Variants in PHLDB2 observed in about 807,000 individuals in gnomAD.
The protein encoded by PHLDB2 is pleckstrin homology like domain family B member 2, also known as pleckstrin homology-like domain family B member 2.
PHLDB2 carries 71 observed loss-of-function variants against 123.6 expected under a neutral mutation model. That is an observed-to-expected ratio of 0.57 (90% confidence interval 0.47 to 0.70). The LOEUF (loss-of-function observed/expected upper bound fraction) is 0.70. PHLDB2 is among the 30% of genes least tolerant of loss of function. PHLDB2 has a pLI of 0.00. For synonymous variants in PHLDB2, 547 were observed against 541.6 expected (o/e 1.01, Z -0.14); for missense variants, 1,446 against 1,519.5 (o/e 0.95, Z 0.80).
chr3:111,758,192 G>A (rs2059930719), intron 1 of PHLDB2, among the ~76,000 whole-genome samples: 1 of 152,054 alleles, frequency 6.6e-6, no homozygotes, highest in Admixed American at 6.5e-5. Flanking sequence ...GTTTGTCTGT[G>A]CCCTGCCCCT....
At chr3:111,918,734 T>C (rs2068320739) in intron 3 of PHLDB2, among the ~76,000 whole-genome samples, 1 of 152,236 alleles carries the variant, frequency 6.6e-6, no homozygotes, top group Non-Finnish European at 1.5e-5. Flanking sequence ...TTCTCTGTTA[T>C]GCTGAACTTT....
chr3:111,975,145 A>G lies in PHLDB2; in HGVS notation c.*582A>G, dbSNP rs2072450846. 1 of 152,648 alleles carries G rather than the reference A, an allele frequency of 6.6e-6. No homozygotes were observed. Among genetic ancestry groups the G allele is most frequent in the Non-Finnish European group, 1.5e-5 (1 of 68,044 alleles). 9.5% of individuals were successfully genotyped at this position (152,648 alleles called of 1,614,324 possible). A position where few individuals can be genotyped will look rare whatever the true frequency, so the allele number is the denominator to read the frequency against. ...GTAGTAACTGCAAGTGATGAACTGC[A>G]TTTCGTATTGTTCTGTATATTTCAA... is the stretch of plus-strand genomic sequence containing the variant. On this transcript the variant is annotated 3_prime_UTR_variant, in exon 18 of 18. Transcript: ENST00000431670.
At chr3:111,966,493 T>G (rs1336831181) in intron 13 of PHLDB2, 120 bp from the exon 14 acceptor site, 5 of 526,236 alleles carry the variant, frequency 9.5e-6, no homozygotes, top group East Asian at 3.3e-5. Flanking sequence ...TGCACCTCCC[T>G]TGACCCCATG....
intron 1 of PHLDB2, among the ~76,000 whole-genome samples, chr3:111,757,410 G>A (rs2059912828): frequency 6.6e-6 from 1 of 151,792 alleles, no homozygotes; most frequent in Non-Finnish European, 1.5e-5. Flanking sequence ...CATGAATGGA[G>A]CTTTCAGCTC....
At chr3:111,780,953 T>C (rs889262295) in intron 1 of PHLDB2, among the ~76,000 whole-genome samples, 2 of 152,102 alleles carry the variant, frequency 1.3e-5, no homozygotes, top group African/African-American at 2.4e-5. Context: ...AAATCAAGCA[T>C]AGAGCTATAC....
rs541447620 is a variant in PHLDB2 at position 111,797,477 on chromosome 3, A to G, written c.-48-48344A>G. Among the ~76,000 whole-genome samples, 9 of 152,294 alleles carry G rather than the reference A, an allele frequency of 5.9e-5. 1 individual carries two copies. The East Asian group carries it at 1.7e-3, about 29-fold the overall frequency. On this transcript the variant is annotated intron_variant, in intron 1 of 17. Transcript: ENST00000393923. ...CATTGCCACAGAATTTTTCCTTCAT[A>G]TTCTTGTTGACTGCCTTACTTGAAA...
intron 1 of PHLDB2, among the ~76,000 whole-genome samples, chr3:111,735,275 C>G (rs1203538704): frequency 6.6e-6 from 1 of 152,218 alleles, no homozygotes; most frequent in African/African-American, 2.4e-5. Context: ...CTCTCACCAT[C>G]TGCAACCCAA....
intron 2 of PHLDB2, among the ~76,000 whole-genome samples, chr3:111,846,791 T>C (rs746865451): frequency 7.9e-5 from 12 of 152,148 alleles, no homozygotes; most frequent in Non-Finnish European, 1.8e-4. Context: ...TCAGTTGCTC[T>C]ATTGTGGGGG....
In PHLDB2 at chr3:111,760,690, G is replaced by GT. The variant is rs200436835; in HGVS notation, c.-49+27997dup. ...GCGATGTGTATACAGTTTTTTGTTTGTTTTTTTTTTCCTGAGAGCCACGTG... is the reference window on the plus strand; with the variant it reads ...GCGATGTGTATACAGTTTTTTGTTTGTTTTTTTTTTTCCTGAGAGCCACGTG... On this transcript the variant is annotated intron_variant, in intron 1 of 17. Coordinates refer to the PHLDB2 transcript ENST00000393923. Among the ~76,000 whole-genome samples, 1,164 of 148,410 alleles carry GT rather than the reference G, an allele frequency of 7.8e-3. 14 individuals carry two copies. Among genetic ancestry groups the GT allele is most frequent in the African/African-American group, 0.024 (986 of 40,660 alleles).
chr3:111,850,553 C>A (rs944014966), intron 2 of PHLDB2, among the ~76,000 whole-genome samples: 2 of 151,922 alleles, frequency 1.3e-5, no homozygotes, highest in Admixed American at 1.3e-4. Flanking sequence ...ATCACTTGAC[C>A]CCAGGAGCTC....
At chr3:111,940,865 T>C (rs558920158) in intron 8 of PHLDB2, among the ~76,000 whole-genome samples, 1 of 152,382 alleles carries the variant, frequency 6.6e-6, no homozygotes, top group Admixed American at 6.5e-5. Flanking sequence ...TTCATGCTTT[T>C]TTCACATTGT....
chr3:111,839,601 A>AT (rs2063576489), intron 1 of PHLDB2, among the ~76,000 whole-genome samples: 1 of 152,222 alleles, frequency 6.6e-6, no homozygotes, highest in Non-Finnish European at 1.5e-5. Flanking sequence ...TGGGTAAACT[A>AT]TATCAACTGT....
intron 1 of PHLDB2, among the ~76,000 whole-genome samples, chr3:111,773,303 T>G (rs1215945996): frequency 1.3e-5 from 2 of 152,138 alleles, no homozygotes; most frequent in African/African-American, 4.8e-5. Context: ...TTTAACCATT[T>G]CCCAGGTGCC....
chr3:111,859,062 C>T (rs1287078480), upstream of PHLDB2: 6 of 472,486 alleles, frequency 1.3e-5, no homozygotes, highest in Non-Finnish European at 1.7e-5. Flanking sequence ...GTCCTTAGCT[C>T]AGGCCGTTCT....
At chr3:111,757,184 G>C (rs555102838) in intron 1 of PHLDB2, among the ~76,000 whole-genome samples, 14 of 152,166 alleles carry the variant, frequency 9.2e-5, no homozygotes, top group African/African-American at 3.4e-4. Flanking sequence ...TCCTTAATCT[G>C]AATGTTGGCC....
chr3:111,735,203 A>G (rs16858490), intron 1 of PHLDB2, among the ~76,000 whole-genome samples: 9 of 152,178 alleles, frequency 5.9e-5, no homozygotes, highest in Admixed American at 1.3e-4. Context: ...TTTAAATCTA[A>G]GAGACTTGGG....
At chr3:111,758,054 C>G (rs1457789297) in intron 1 of PHLDB2, among the ~76,000 whole-genome samples, 1 of 152,160 alleles carries the variant, frequency 6.6e-6, no homozygotes, top group Non-Finnish European at 1.5e-5. Context: ...GGTCAGGGGC[C>G]AGGGACCCAC....
chr3:111,818,165 GGT>G (rs5851789), intron 1 of PHLDB2, among the ~76,000 whole-genome samples: 7,393 of 147,644 alleles, frequency 0.05, 239 homozygotes, highest in African/African-American at 0.087. Context: ...TTAAAAAACT[GGT>G]GTGTGTGTGT....
At chr3:111,901,478 T>C (rs1188294115) in intron 2 of PHLDB2, among the ~76,000 whole-genome samples, 2 of 152,058 alleles carry the variant, frequency 1.3e-5, no homozygotes, top group East Asian at 3.9e-4. Context: ...CATGCAGACT[T>C]TCCTAGTTCT....
Sources: allele counts gnomAD v4.1 joint callset (sites outside exome capture counted in the v4.1 genomes callset), GRCh38; gene constraint gnomAD v4.1.1; transcripts MANE v1.5; gene names NCBI Gene and HGNC (gene_info 2026-07-23, HGNC 2026-07-21).